SPIDR: variants seen among roughly 807,000 people sequenced by gnomAD.
SPIDR encodes scaffold protein involved in DNA repair, also known as DNA repair-scaffolding protein.
In SPIDR, 93 loss-of-function variants were observed where a neutral mutation model predicts 104.6. The ratio of observed to expected loss-of-function variants is 0.89; its 90% CI spans 0.75 to 1.06. SPIDR has a LOEUF of 1.06. Ranked by LOEUF, SPIDR falls within the 50% of genes least tolerant of loss-of-function variation. SPIDR has a pLI of 0.00. For missense variants in SPIDR, 1,154 were observed against 1,111.2 expected, an observed-to-expected ratio of 1.04 and a Z score of -0.55; for synonymous variants, 431 against 416.9, an observed-to-expected ratio of 1.03 and a Z score of -0.41.
intron 16 of SPIDR, among the ~76,000 whole-genome samples, chr8:47,714,097 T>C (rs1349638508): frequency 2.6e-5 from 4 of 151,678 alleles, no homozygotes; most frequent in Non-Finnish European, 5.9e-5. Context: ...CAGATGGAGG[T>C]GGGACCAAGC....
chr8:47,425,687 A>G (rs1554684191), intron 7 of SPIDR, among the ~76,000 whole-genome samples: 1 of 152,144 alleles, frequency 6.6e-6, no homozygotes, highest in African/African-American at 2.4e-5. Context: ...TATTTGAAAG[A>G]TTTCTTTAGG....
intron 8 of SPIDR, among the ~76,000 whole-genome samples, chr8:47,588,893 A>T (rs2060623210): frequency 6.6e-6 from 1 of 152,168 alleles, no homozygotes; most frequent in African/African-American, 2.4e-5. Context: ...AAACAAGGCC[A>T]TCTTGCCTGG....
At chr8:47,514,558 G>A (rs1402036948) in intron 8 of SPIDR, among the ~76,000 whole-genome samples, 1 of 152,114 alleles carries the variant, frequency 6.6e-6, no homozygotes, top group Non-Finnish European at 1.5e-5. Context: ...CATAAAAGAG[G>A]GGTATGCTCA....
intron 8 of SPIDR, among the ~76,000 whole-genome samples, chr8:47,524,585 A>G (rs570175493): frequency 7.9e-5 from 12 of 152,128 alleles, no homozygotes; most frequent in Non-Finnish European, 1.0e-4. Flanking sequence ...AGCTAGAGGC[A>G]GAGAGACAGG....
chr8:47,430,792 C>A (rs536294872), intron 7 of SPIDR, among the ~76,000 whole-genome samples: 1 of 152,228 alleles, frequency 6.6e-6, no homozygotes, highest in East Asian at 1.9e-4. Flanking sequence ...AGCCATATGA[C>A]CTTTTAAAAG....
chr8:47,712,529 G>T (rs2082027170), intron 14 of SPIDR, 133 bp from the exon 15 acceptor site: 1 of 1,069,598 alleles, frequency 9.3e-7, no homozygotes, highest in Non-Finnish European at 1.3e-6. Context: ...GATGTGCAAA[G>T]TCTAGTGTAT....
rs575559182 is a variant in SPIDR at position 47,624,791 on chromosome 8, C to T, written c.1544+25595C>T. On this transcript the variant is annotated intron_variant, in intron 10 of 19. Coordinates refer to ENST00000297423, the MANE Select transcript of SPIDR (RefSeq NM_001080394.4). ...GTCCAGGACCATATGGATTCAAAGC[C>T]GAATTCTACCAGAGGTACAAGGAGG... Among the ~76,000 whole-genome samples the T allele has an allele frequency of 1.3e-3, 195 of 152,210 alleles. 1 individual carries two copies. The highest frequency in any genetic ancestry group is 3.4e-3 in the Middle Eastern group (1 of 294).
intron 4 of SPIDR, 143 bp downstream of exon 4, chr8:47,291,280 A>C: frequency 1.9e-6 from 1 of 535,260 alleles, no homozygotes; most frequent in Non-Finnish European, 3.3e-6. Context: ...GAAGAAACTT[A>C]CATTCCTTTC....
intron 5 of SPIDR, among the ~76,000 whole-genome samples, chr8:47,372,928 C>G (rs1554639886): frequency 1.3e-5 from 2 of 152,126 alleles, no homozygotes; most frequent in South Asian, 2.1e-4. Context: ...TAACAGAACA[C>G]TATGCCTGAA....
intron 8 of SPIDR, among the ~76,000 whole-genome samples, chr8:47,518,697 C>G (rs1276259835): frequency 6.6e-6 from 1 of 150,736 alleles, no homozygotes; most frequent in African/African-American, 2.4e-5. Flanking sequence ...AATGCAGTGG[C>G]GCAATCTCGG....
At chr8:47,716,385 A>G (rs1248628008) in intron 16 of SPIDR, among the ~76,000 whole-genome samples, 1 of 152,084 alleles carries the variant, frequency 6.6e-6, no homozygotes, top group African/African-American at 2.4e-5. Context: ...TTGTGATTCC[A>G]TTGTTGCTTT....
chr8:47,319,716 G>A (rs202223552), intron 5 of SPIDR, among the ~76,000 whole-genome samples: 1 of 152,040 alleles, frequency 6.6e-6, no homozygotes, highest in Non-Finnish European at 1.5e-5. Context: ...CTCAGCAAAT[G>A]TTAAAAGAAC....
At chr8:47,516,586 G>A (rs138930338) in intron 8 of SPIDR, among the ~76,000 whole-genome samples, 51 of 152,244 alleles carry the variant, frequency 3.3e-4, no homozygotes, top group Non-Finnish European at 6.0e-4. Flanking sequence ...GTTCATCCAC[G>A]TTATGTGTCA....
At chr8:47,650,411 A>G (rs1387035053) in intron 10 of SPIDR, among the ~76,000 whole-genome samples, 1 of 152,182 alleles carries the variant, frequency 6.6e-6, no homozygotes, top group Non-Finnish European at 1.5e-5. Flanking sequence ...AGGAGGTGAA[A>G]GATAAAGAGA....
chr8:47,409,515 A>G (rs571946562), intron 7 of SPIDR, among the ~76,000 whole-genome samples: 2 of 152,228 alleles, frequency 1.3e-5, no homozygotes, highest in East Asian at 3.9e-4. Context: ...ACCAACTATT[A>G]TTAGTCTTTC....
intron 8 of SPIDR, among the ~76,000 whole-genome samples, chr8:47,535,088 G>A (rs1243664232): frequency 6.6e-6 from 1 of 152,070 alleles, no homozygotes; most frequent in Non-Finnish European, 1.5e-5. Flanking sequence ...ACCAAAACTC[G>A]CACAAGGAGA....
intron 8 of SPIDR, among the ~76,000 whole-genome samples, chr8:47,482,633 A>G (rs1554727990): frequency 6.6e-6 from 1 of 152,140 alleles, no homozygotes; most frequent in African/African-American, 2.4e-5. Flanking sequence ...CTGCAGGTGA[A>G]AAGTGTTTGG....
chr8:47,537,251 A>G (rs2154387011), intron 8 of SPIDR, among the ~76,000 whole-genome samples: 1 of 152,378 alleles, frequency 6.6e-6, no homozygotes, highest in African/African-American at 2.4e-5. Flanking sequence ...GCCTATACAA[A>G]CATGAGCATA....
intron 5 of SPIDR, among the ~76,000 whole-genome samples, chr8:47,309,820 C>T (rs1459370942): frequency 3.3e-5 from 5 of 151,940 alleles, no homozygotes; most frequent in Non-Finnish European, 5.9e-5. Flanking sequence ...GGGCGGATCA[C>T]GAGGTCAGGA....
Sources: allele counts gnomAD v4.1 joint callset (sites outside exome capture counted in the v4.1 genomes callset), GRCh38; gene constraint gnomAD v4.1.1; transcripts MANE v1.5; gene names NCBI Gene and HGNC (gene_info 2026-07-23, HGNC 2026-07-21).